Variants in ELAPOR1 observed in about 807,000 individuals in gnomAD.
ELAPOR1 encodes the protein endosome-lysosome associated apoptosis and autophagy regulator 1.
A neutral mutation model predicts 119.7 loss-of-function variants in ELAPOR1; 77 were observed. The ratio of observed to expected loss-of-function variants is 0.64; its 90% confidence interval spans 0.54 to 0.78. The LOEUF (loss-of-function observed/expected upper bound fraction) is 0.78, where lower values mean the gene tolerates loss of function less well. Ranked by LOEUF, ELAPOR1 falls within the 30% of genes least tolerant of loss-of-function variation. The pLI, the probability that ELAPOR1 is intolerant of heterozygous loss-of-function variation, is 0.00. For synonymous variants in ELAPOR1, 481 were observed against 487.2 expected (o/e 0.99, Z 0.17); for missense variants, 1,115 against 1,270.4 (o/e 0.88, Z 1.86).
chr1:109,183,348 ACAAAAAAAAGAG>A (rs1243138467), intron 7 of ELAPOR1, among the ~76,000 whole-genome samples: 212 of 12,886 alleles, frequency 0.016, 5 homozygotes, highest in East Asian at 0.074. Flanking sequence ...AAAAAAAAAA[ACAAAAAAAAGAG>A]AGAGAGAGAG....
chr1:109,143,191 C>T (rs1649941167), intron 1 of ELAPOR1, among the ~76,000 whole-genome samples: 1 of 152,172 alleles, frequency 6.6e-6, no homozygotes. Context: ...CTCAAGAGAT[C>T]CACCCGCCTT....
At chr1:109,138,275 T>C (rs957519547) in intron 1 of ELAPOR1, among the ~76,000 whole-genome samples, 11 of 152,196 alleles carry the variant, frequency 7.2e-5, no homozygotes, top group Non-Finnish European at 1.3e-4. Flanking sequence ...AGAATCTCAA[T>C]TGGTGACACT....
Position 109,161,963 on chromosome 1 carries a change from A to C in ELAPOR1, c.223A>C (p.Thr75Pro), listed in dbSNP as rs753514953. Residue 75 changes from threonine (T) to proline (P), a missense_variant, in exon 2 of 22, where the codon ACC becomes CCC. Thr to Pro is a conservative substitution (Grantham distance 38, BLOSUM62 -1). Coordinates refer to ENST00000369939, the MANE Select transcript of ELAPOR1 (RefSeq NM_020775.5). Reference sequence around the variant, plus strand: ...CAGGTGGAGGGTCGCCGTGCCGCATACCCCGGGCCTGTGCACCAGCCTGCC... The same window carrying C: ...CAGGTGGAGGGTCGCCGTGCCGCATCCCCCGGGCCTGTGCACCAGCCTGCC... ...GSRWRVAVPHTPGLCTSLPDP... is the reference protein window; with the variant it reads ...GSRWRVAVPHPPGLCTSLPDP... 20 of 1,613,676 alleles carry C rather than the reference A, an allele frequency of 1.2e-5. No individual in the cohort carries two copies. The highest frequency in any genetic ancestry group is 1.4e-5 in the Non-Finnish European group (16 of 1,179,838).
At chr1:109,178,009 TTC>T (rs1389457017) in intron 7 of ELAPOR1, among the ~76,000 whole-genome samples, 2 of 115,396 alleles carry the variant, frequency 1.7e-5, no homozygotes, top group Non-Finnish European at 3.4e-5. Context: ...TCTTTTTTCT[TTC>T]TTTTTTTTTT....
At position 109,189,176 on chromosome 1, in the gene ELAPOR1, G is replaced by A. The variant is rs138845394; in HGVS notation, c.1330G>A (p.Glu444Lys). The A allele has an allele frequency of 3.6e-5, 58 of 1,613,942 alleles. 1 individual carries two copies. The East Asian group carries it at 7.6e-4, about 21-fold the overall frequency. Residue 444 changes from glutamate to lysine, a missense_variant, in exon 10 of 22, where the codon GAG becomes AAG. Coordinates refer to ENST00000369939, the MANE Select transcript of ELAPOR1 (RefSeq NM_020775.5). ...GACCGTTCTCAGTGGGATCAACTTCGAGTACAAGGGCATGACAGGTAATTG... is the reference window on the plus strand; with the variant it reads ...GACCGTTCTCAGTGGGATCAACTTCAAGTACAAGGGCATGACAGGTAATTG... ...ETTVLSGINF[E>K]YKGMTGWEVA...
chr1:109,192,243 C>T (rs1220713322), intron 13 of ELAPOR1, among the ~76,000 whole-genome samples: 5 of 152,144 alleles, frequency 3.3e-5, no homozygotes, highest in African/African-American at 1.2e-4. Flanking sequence ...CAGCCATAAT[C>T]CTACTACTCA....
intron 1 of ELAPOR1, among the ~76,000 whole-genome samples, chr1:109,133,558 C>T (rs1428745076): frequency 3.9e-5 from 6 of 152,036 alleles, no homozygotes; most frequent in Non-Finnish European, 7.4e-5. Flanking sequence ...GTAGTATCTC[C>T]GGATATTATC....
At chr1:109,189,724 C>T in intron 11 of ELAPOR1, 42 bp downstream of exon 11, 1 of 1,495,980 alleles carries the variant, frequency 6.7e-7, no homozygotes. Context: ...CCAGCTTGGC[C>T]ATATCCGAAT....
chr1:109,193,266 A>T (rs1200976856), intron 14 of ELAPOR1, among the ~76,000 whole-genome samples: 1 of 152,200 alleles, frequency 6.6e-6, no homozygotes, highest in Non-Finnish European at 1.5e-5. Flanking sequence ...GGAAAGATAG[A>T]AACCCAACCA....
Position 109,161,951 on chromosome 1 carries a change from G to A in ELAPOR1, c.211G>A (p.Ala71Thr), listed in dbSNP as rs144730898. 8.7e-6 allele frequency: 14 copies of A among 1,613,880 alleles called. No homozygotes were observed. Among genetic ancestry groups the A allele is most frequent in the South Asian group, 3.3e-5 (3 of 91,088 alleles). Residue 71 changes from alanine to threonine, a missense_variant, in exon 2 of 22, where the codon GCC (alanine) becomes ACC (threonine). Coordinates refer to ENST00000369939, the MANE Select transcript of ELAPOR1 (RefSeq NM_020775.5). ...CDSTGSRWRV[A>T]VPHTPGLCTS... ...CAGCACGGGTTCCAGGTGGAGGGTC[G>A]CCGTGCCGCATACCCCGGGCCTGTG...
At chr1:109,156,707 C>T (rs571001597) in intron 1 of ELAPOR1, among the ~76,000 whole-genome samples, 23 of 150,246 alleles carry the variant, frequency 1.5e-4, no homozygotes, top group African/African-American at 4.3e-4. Flanking sequence ...CCTTATCCCC[C>T]GCTGCCCCAC....
chr1:109,170,801 A>C (rs1651873797), intron 3 of ELAPOR1, among the ~76,000 whole-genome samples: 1 of 152,150 alleles, frequency 6.6e-6, no homozygotes, highest in Non-Finnish European at 1.5e-5. Context: ...TCAGGGAGAC[A>C]AGTTTGGGGG....
At chr1:109,188,657 T>TA (rs1292142683) in intron 9 of ELAPOR1, among the ~76,000 whole-genome samples, 4 of 152,182 alleles carry the variant, frequency 2.6e-5, no homozygotes, top group African/African-American at 4.8e-5. Flanking sequence ...AGATGCTGAC[T>TA]AGGCTTACAG....
At chr1:109,122,356 T>TAA (rs71069650) in intron 1 of ELAPOR1, among the ~76,000 whole-genome samples, 5 of 115,028 alleles carry the variant, frequency 4.3e-5, no homozygotes, top group Non-Finnish European at 7.1e-5. Flanking sequence ...ACCTTTCCAT[T>TAA]AAAAAAAAAA....
chr1:109,120,990 A>G (rs556288742), intron 1 of ELAPOR1, among the ~76,000 whole-genome samples: 1 of 152,336 alleles, frequency 6.6e-6, no homozygotes, highest in Admixed American at 6.5e-5. Flanking sequence ...ACTGCTCTCT[A>G]TTCTATCTGA....
At chr1:109,186,603 G>T (rs1653061943) in intron 8 of ELAPOR1, 10 of 985,290 alleles carry the variant, frequency 1.0e-5, no homozygotes, top group Non-Finnish European at 1.2e-5. Flanking sequence ...TGTCTTGTCA[G>T]TTGCACCTTA....
intron 1 of ELAPOR1, among the ~76,000 whole-genome samples, chr1:109,127,775 G>C (rs1648883931): frequency 6.6e-6 from 1 of 151,688 alleles, no homozygotes; most frequent in South Asian, 2.1e-4. Context: ...TGTTGTCCAG[G>C]CTGGTCTCGA....
At chr1:109,178,840 C>T (rs1218843809) in intron 7 of ELAPOR1, among the ~76,000 whole-genome samples, 2 of 152,094 alleles carry the variant, frequency 1.3e-5, no homozygotes, top group African/African-American at 4.8e-5. Context: ...TGGCGCACGC[C>T]TGTAATCCCA....
At chr1:109,189,337 G>A (rs1420602206) in intron 10 of ELAPOR1, 143 bp downstream of exon 10, 1 of 1,105,970 alleles carries the variant, frequency 9.0e-7, no homozygotes, top group Non-Finnish European at 1.3e-6. Flanking sequence ...CACTCCTCAT[G>A]GACATATGTT....
Sources: allele counts gnomAD v4.1 joint callset (sites outside exome capture counted in the v4.1 genomes callset), GRCh38; gene constraint gnomAD v4.1.1; transcripts MANE v1.5; gene names NCBI Gene and HGNC (gene_info 2026-07-23, HGNC 2026-07-21).